KIAA1217: variants seen among roughly 807,000 people sequenced by gnomAD.
The protein encoded by KIAA1217 is KIAA1217.
Under a neutral mutation model 163.9 loss-of-function variants are expected in KIAA1217, and 88 were observed. The observed-to-expected ratio is 0.54, with a 90% confidence interval of 0.45 to 0.64. The LOEUF (loss-of-function observed/expected upper bound fraction) is 0.64. KIAA1217 is among the 30% of genes least tolerant of loss of function. The pLI is 0.00. For missense variants in KIAA1217, 2,372 were observed against 2,475.0 expected (o/e 0.96, Z 0.88); for synonymous variants, 903 against 923.1 (o/e 0.98, Z 0.39).
chr10:24,467,752 AG>A (rs2063094552), intron 5 of KIAA1217, among the ~76,000 whole-genome samples: 1 of 151,978 alleles, frequency 6.6e-6, no homozygotes, highest in African/African-American at 2.4e-5. Flanking sequence ...TGGCAGAATA[AG>A]GGACTGGGAT....
intron 2 of KIAA1217, among the ~76,000 whole-genome samples, chr10:24,125,515 T>G (rs1388690743): frequency 6.6e-6 from 1 of 152,152 alleles, no homozygotes; most frequent in African/African-American, 2.4e-5. Context: ...TTTTTGATAT[T>G]TTTTCTTTTT....
At chr10:24,381,139 T>C in intron 3 of KIAA1217, 72 bp downstream of exon 3, 2 of 1,096,844 alleles carry the variant, frequency 1.8e-6, no homozygotes, top group Non-Finnish European at 2.5e-6. Context: ...ACTGAACCTA[T>C]ACTCTTTCAT....
intron 1 of KIAA1217, among the ~76,000 whole-genome samples, chr10:23,942,899 G>A (rs775602726): frequency 2.6e-5 from 4 of 151,506 alleles, no homozygotes; most frequent in Non-Finnish European, 5.9e-5. Context: ...CTTGAGGCCA[G>A]GAGTTCAAGA....
At position 23,823,460 on chromosome 10, in the gene KIAA1217, C is replaced by T. The variant is rs191004430; in HGVS notation, c.-321+128226C>T. 4.3e-3 allele frequency among the ~76,000 whole-genome samples: 647 copies of T among 152,204 alleles called. 7 individuals are homozygous for T. The highest frequency in any genetic ancestry group is 0.013 in the African/African-American group (552 of 41,548). ...TCTCTTCTGCCCCTAGAAGAGATGG[C>T]AGAGAAAGGTCTCCACCTTTAAGGG... On this transcript the variant is annotated intron_variant, in intron 1 of 18. Coordinates refer to the KIAA1217 transcript ENST00000376462.
rs536582692 is a variant in KIAA1217 at position 24,183,599 on chromosome 10, G to A, written c.-170-36027G>A. On this transcript the variant is annotated intron_variant, in intron 2 of 18. Coordinates refer to the KIAA1217 transcript ENST00000376462. ...ATAGAATGTAAAAGTGGGTCCTTTG[G>A]TTGTCCTCATGCATTCCAGTATGAG... Among the ~76,000 whole-genome samples the A allele has an allele frequency of 4.6e-5, 7 of 152,310 alleles. No homozygotes were observed. The Middle Eastern group carries it at 0.017, about 370-fold the overall frequency.
chr10:23,696,002 G>A (rs889681465), intron 1 of KIAA1217, among the ~76,000 whole-genome samples: 1 of 152,316 alleles, frequency 6.6e-6, no homozygotes, highest in East Asian at 1.9e-4. Context: ...GCGCCGCTGC[G>A]GGTCCTCCGA....
At chr10:24,541,467 T>C (rs2075072544) in intron 17 of KIAA1217, among the ~76,000 whole-genome samples, 1 of 152,146 alleles carries the variant, frequency 6.6e-6, no homozygotes, top group Non-Finnish European at 1.5e-5. Flanking sequence ...GTCTTTCCAT[T>C]CTTAAGTAAG....
At chr10:23,885,497 G>A (rs1296821430) in intron 1 of KIAA1217, among the ~76,000 whole-genome samples, 1 of 151,946 alleles carries the variant, frequency 6.6e-6, no homozygotes, top group Non-Finnish European at 1.5e-5. Flanking sequence ...TCGCCTGGGA[G>A]AGTCTTGGAA....
At chr10:24,303,498 G>A (rs1246991595) in intron 2 of KIAA1217, among the ~76,000 whole-genome samples, 1 of 152,182 alleles carries the variant, frequency 6.6e-6, no homozygotes, top group Non-Finnish European at 1.5e-5. Context: ...AGAGTTGATG[G>A]GATTTACTAC....
chr10:24,446,776 G>T (rs961191447), intron 5 of KIAA1217, among the ~76,000 whole-genome samples: 1 of 152,192 alleles, frequency 6.6e-6, no homozygotes, highest in African/African-American at 2.4e-5. Flanking sequence ...CAATGTGAGA[G>T]AAGTTCTTAT....
At chr10:24,029,229 T>C (rs1848092997) in intron 2 of KIAA1217, among the ~76,000 whole-genome samples, 1 of 152,202 alleles carries the variant, frequency 6.6e-6, no homozygotes, top group African/African-American at 2.4e-5. Flanking sequence ...TCATCTGGTT[T>C]TGTAAATTAA....
intron 2 of KIAA1217, among the ~76,000 whole-genome samples, chr10:24,272,827 T>C (rs987704793): frequency 6.6e-6 from 1 of 152,216 alleles, no homozygotes. Flanking sequence ...GGAAGAATTC[T>C]TCATTTCTTT....
chr10:24,218,537 G>A (rs1589987276), intron 1 of KIAA1217, among the ~76,000 whole-genome samples: 1 of 151,154 alleles, frequency 6.6e-6, no homozygotes, highest in East Asian at 1.9e-4. Context: ...CTCCCAGGCT[G>A]GAGTGCAGTG....
chr10:23,981,006 T>C (rs1014261950), intron 1 of KIAA1217, among the ~76,000 whole-genome samples: 7 of 152,220 alleles, frequency 4.6e-5, no homozygotes, highest in African/African-American at 1.7e-4. Flanking sequence ...CAAGTAACTT[T>C]AGTTGCGTGG....
At chr10:24,467,559 G>C (rs1278755829) in intron 5 of KIAA1217, among the ~76,000 whole-genome samples, 1 of 152,196 alleles carries the variant, frequency 6.6e-6, no homozygotes, top group Non-Finnish European at 1.5e-5. Context: ...GGGGTTAGAA[G>C]AATCTTTATT....
intron 2 of KIAA1217, among the ~76,000 whole-genome samples, chr10:24,173,710 T>C (rs2065739241): frequency 6.6e-6 from 1 of 152,222 alleles, no homozygotes; most frequent in African/African-American, 2.4e-5. Context: ...TCCTCAATAA[T>C]TCTAGAACTT....
intron 1 of KIAA1217, among the ~76,000 whole-genome samples, chr10:23,711,079 A>C (rs1001870301): frequency 2.6e-5 from 4 of 152,204 alleles, no homozygotes; most frequent in African/African-American, 9.7e-5. Flanking sequence ...TCAGATGTGC[A>C]TACAGAAGGA....
chr10:24,028,573 G>A (rs1177921701), intron 2 of KIAA1217, among the ~76,000 whole-genome samples: 2 of 152,026 alleles, frequency 1.3e-5, no homozygotes. Context: ...TTAAATCCAG[G>A]AAAGCTGTCA....
intron 1 of KIAA1217, among the ~76,000 whole-genome samples, chr10:23,786,538 C>CAAAA (rs4019609): frequency 0.05 from 6,387 of 126,732 alleles, 295 homozygotes; most frequent in African/African-American, 0.13. Context: ...CAGAAGTAGC[C>CAAAA]AAAAAAAAAA....
Sources: gnomAD v4.1 joint callset for allele counts (sites outside exome capture counted in the v4.1 genomes callset) on GRCh38, gnomAD v4.1.1 for gene constraint, MANE v1.5 for transcripts, NCBI Gene and HGNC (gene_info 2026-07-23, HGNC 2026-07-21) for gene names.